The following ZNF766 variants were observed in gnomAD, a reference collection of about 807,000 sequenced individuals.
ZNF766 encodes the protein zinc finger protein 766.
A neutral mutation model predicts 13.2 loss-of-function variants in ZNF766; 13 were observed. That is an observed-to-expected ratio of 0.98 (90% confidence interval 0.64 to 1.56). ZNF766 has a LOEUF of 1.56. Among genes scored for constraint, ZNF766 ranks in the 40% most tolerant of loss-of-function variants. The pLI, the probability that ZNF766 is intolerant of heterozygous loss-of-function variation, is 0.00. For missense variants in ZNF766, 521 were observed against 552.2 expected (o/e 0.94, Z 0.57); for synonymous variants, 178 against 187.6 (o/e 0.95, Z 0.42).
Position 52,282,319 on chromosome 19 carries a change from G to T in ZNF766, c.145+82G>T, listed in dbSNP as rs1309639587. On this transcript the variant is annotated intron_variant, in intron 2 of 3. Transcript: ENST00000439461. ...CCTTGTGTGCCTCTTGGGAGCCCCT[G>T]CATTGCTTGACTGAGATTGAAACCC... 3.4e-6 allele frequency: 5 copies of T among 1,467,022 alleles called. No individual in the cohort carries two copies. The African/African-American group carries it at 7.2e-5, about 21-fold the overall frequency. The allele number at this position is 1,467,022 out of a possible 1,614,324, so 90.9% of individuals were successfully genotyped here.
chr19:52,280,789 C>T (rs1324325874), intron 1 of ZNF766, among the ~76,000 whole-genome samples: 2 of 151,652 alleles, frequency 1.3e-5, no homozygotes, highest in Admixed American at 6.6e-5. Flanking sequence ...ACCATGTTGG[C>T]CAGGATGGTC....
At chr19:52,275,359 T>A (rs1248641325) in intron 1 of ZNF766, among the ~76,000 whole-genome samples, 1 of 152,288 alleles carries the variant, frequency 6.6e-6, no homozygotes, top group Non-Finnish European at 1.5e-5. Context: ...ACAACATGTT[T>A]GTGTTTTAAG....
At chr19:52,278,636 G>C (rs1981334111) in intron 1 of ZNF766, among the ~76,000 whole-genome samples, 2 of 151,836 alleles carry the variant, frequency 1.3e-5, no homozygotes, top group African/African-American at 2.4e-5. Flanking sequence ...AACTTCTGAT[G>C]TCAGGTGATC....
chr19:52,287,421 G>A (rs371005714), intron 3 of ZNF766, among the ~76,000 whole-genome samples: 9 of 152,220 alleles, frequency 5.9e-5, no homozygotes, highest in Non-Finnish European at 1.0e-4. Flanking sequence ...GATTACAGGC[G>A]TGAGCCACTA....
At chr19:52,276,926 T>TGG (rs1981230970) in intron 1 of ZNF766, among the ~76,000 whole-genome samples, 1 of 152,120 alleles carries the variant, frequency 6.6e-6, no homozygotes, top group Non-Finnish European at 1.5e-5. Flanking sequence ...TCCCCACTGC[T>TGG]GCAGTGTGTG....
intron 1 of ZNF766, among the ~76,000 whole-genome samples, chr19:52,270,472 G>A (rs540103384): frequency 6.0e-4 from 91 of 152,198 alleles, no homozygotes; most frequent in South Asian, 1.9e-3. Context: ...TAGGGAGAGG[G>A]GCAGCAAAGC....
Position 52,290,660 on chromosome 19 carries a change from A to G in ZNF766, c.869A>G (p.Gln290Arg), listed in dbSNP as rs753121575. 6.2e-7 allele frequency: 1 copy of G among 1,613,710 alleles called. No individual in the cohort carries two copies. The highest frequency in any genetic ancestry group is 8.5e-7 in the Non-Finnish European group (1 of 1,179,728). The change falls in exon 4 of 4, where the codon CAG (glutamine) becomes CGG (arginine). Residue 290 changes from glutamine (Q) to arginine (R), a missense_variant. Coordinates refer to ENST00000439461, the MANE Select transcript of ZNF766 (RefSeq NM_001010851.3). ...CGAATTACATACCTTGTACGACATC[A>G]GAAAATTCATACTAGAGAGAAACCT... ...FSRITYLVRHQKIHTREKPHK... is the reference protein window; with the variant it reads ...FSRITYLVRHRKIHTREKPHK...
At position 52,295,987 on chromosome 19, in the gene ZNF766, T is replaced by A. The variant is rs1372559842; in HGVS notation, c.*4789T>A. The A allele has an allele frequency of 1.3e-5, 2 of 152,212 alleles. No individual in the cohort carries two copies. Among genetic ancestry groups the A allele is most frequent in the Non-Finnish European group, 2.9e-5 (2 of 68,046 alleles). 9.4% of individuals were successfully genotyped at this position (152,212 alleles called of 1,614,324 possible). ...ATTAACCCTGTGTATCAATTTGGGGTAATTTCACATTTTTTTCTATGTTGA... is the reference window on the plus strand; with the variant it reads ...ATTAACCCTGTGTATCAATTTGGGGAAATTTCACATTTTTTTCTATGTTGA... On this transcript the variant is annotated 3_prime_UTR_variant, in exon 4 of 4. Coordinates refer to ENST00000439461, the MANE Select transcript of ZNF766 (RefSeq NM_001010851.3).
intron 3 of ZNF766, among the ~76,000 whole-genome samples, chr19:52,287,558 T>G (rs1259013827): frequency 1.3e-5 from 2 of 152,242 alleles, no homozygotes; most frequent in East Asian, 3.8e-4. Flanking sequence ...AGGATTGGTG[T>G]TAAATCTTTT....
At position 52,281,489 on chromosome 19, in the gene ZNF766, A is replaced by T. The variant is rs550432873; in HGVS notation, c.19-622A>T. 1.1e-5 allele frequency: 3 copies of T among 281,254 alleles called. No individual in the cohort carries two copies. The East Asian group carries it at 4.2e-4, about 39-fold the overall frequency. 17.4% of individuals were successfully genotyped at this position (281,254 alleles called of 1,614,324 possible). On this transcript the variant is annotated intron_variant, in intron 1 of 3. Coordinates refer to ENST00000439461, the MANE Select transcript of ZNF766 (RefSeq NM_001010851.3). ...AGCCGAGATTGCGCCACTGCACTCC[A>T]GCCTGGGTGACAGACTGAGACTCTG...
rs1384170541 is a variant in ZNF766, at chr19:52,291,581, A to G, written c.*383A>G. The G allele has an allele frequency of 1.1e-5, 2 of 175,632 alleles. No homozygotes were observed. Among genetic ancestry groups the G allele is most frequent in the East Asian group, 3.1e-4 (2 of 6,352 alleles). 10.9% of individuals were successfully genotyped at this position (175,632 alleles called of 1,614,324 possible). A position where few individuals can be genotyped will look rare whatever the true frequency, so the allele number is the denominator to read the frequency against. On this transcript the variant is annotated 3_prime_UTR_variant, in exon 4 of 4. Transcript: ENST00000439461. ...AGACCAGCCTGGCCAATATGGTGAA[A>G]CACCATATCTACTATAAATACAAAA...
At position 52,291,333 on chromosome 19, in the gene ZNF766, C is replaced by T. The variant is rs1342077825; in HGVS notation, c.*135C>T. ...CCAAATCACTAGACATCGAAACATT[C>T]ATCTTTGGTGAAACCACACAAATGG... On this transcript the variant is annotated 3_prime_UTR_variant, in exon 4 of 4. Transcript: ENST00000439461. 3 of 892,590 alleles carry T rather than the reference C, an allele frequency of 3.4e-6. No homozygotes were observed. Among genetic ancestry groups the T allele is most frequent in the Non-Finnish European group, 5.0e-6 (3 of 599,538 alleles). 55.3% of individuals were successfully genotyped at this position (892,590 alleles called of 1,614,324 possible).
At chr19:52,280,621 C>T (rs62110403) in intron 1 of ZNF766, among the ~76,000 whole-genome samples, 17,154 of 151,698 alleles carry the variant, frequency 0.11, 1,040 homozygotes, top group Middle Eastern at 0.2. Context: ...CTTGCTCTGT[C>T]GCCCAGGCTG....
chr19:52,280,490 A>G (rs549611244), intron 1 of ZNF766, among the ~76,000 whole-genome samples: 1 of 152,356 alleles, frequency 6.6e-6, no homozygotes, highest in South Asian at 2.1e-4. Context: ...GTAAGTGTAT[A>G]CATGTGATGT....
Position 52,291,416 on chromosome 19 carries a change from A to G in ZNF766, c.*218A>G, listed in dbSNP as rs1468525667. On this transcript the variant is annotated 3_prime_UTR_variant, in exon 4 of 4. Transcript: ENST00000439461. ...TGTTGAACCTAATGATATGATGTGTATAAAGGGTGCAAGGACACGTGGAAA... is the reference window on the plus strand; with the variant it reads ...TGTTGAACCTAATGATATGATGTGTGTAAAGGGTGCAAGGACACGTGGAAA... The G allele has an allele frequency of 5.9e-6, 3 of 511,360 alleles. No homozygotes were observed. Among genetic ancestry groups the G allele is most frequent in the Non-Finnish European group, 1.0e-5 (3 of 294,120 alleles). The allele number at this position is 511,360 out of a possible 1,614,324, so 31.7% of individuals were successfully genotyped here.
chr19:52,285,959 C>T (rs1029446133), intron 3 of ZNF766, among the ~76,000 whole-genome samples: 1 of 152,074 alleles, frequency 6.6e-6, no homozygotes, highest in Admixed American at 6.6e-5. Flanking sequence ...TATCATAACA[C>T]CACACAGAGG....
chr19:52,289,961 A>G, intron 3 of ZNF766, 105 bp from the exon 4 acceptor site: 3 of 1,174,304 alleles, frequency 2.6e-6, no homozygotes, highest in South Asian at 1.6e-5. Flanking sequence ...AGATCGTGCC[A>G]CTGCACTCCA....
chr19:52,293,228 C>T lies in ZNF766; in HGVS notation c.*2030C>T, dbSNP rs1210348305. ...TTGCTCTGTCACTCAGGCTGAAGTG[C>T]AATGGCACGATCTTGGCTCACTGCA... On this transcript the variant is annotated 3_prime_UTR_variant, in exon 4 of 4. Transcript: ENST00000439461. 6.9e-6 allele frequency: 1 copy of T among 144,070 alleles called. No individual in the cohort carries two copies. 8.9% of individuals were successfully genotyped at this position (144,070 alleles called of 1,614,324 possible).
rs1982270509 is a variant in ZNF766 at position 52,294,470 on chromosome 19, G to A, written c.*3272G>A. On this transcript the variant is annotated 3_prime_UTR_variant, in exon 4 of 4. Coordinates refer to ENST00000439461, the MANE Select transcript of ZNF766 (RefSeq NM_001010851.3). ...ACTCCATAATGAGGCTTTCTGGGGA[G>A]AGCAGGGTAGACTTCCCCGGTTGGT... 1 of 152,202 alleles carries A rather than the reference G, an allele frequency of 6.6e-6. No individual in the cohort carries two copies. The highest frequency in any genetic ancestry group is 1.9e-4 in the East Asian group (1 of 5,192). The allele number at this position is 152,202 out of a possible 1,614,324, so 9.4% of individuals were successfully genotyped here.
Sources: gnomAD v4.1 joint callset for allele counts (sites outside exome capture counted in the v4.1 genomes callset) on GRCh38, gnomAD v4.1.1 for gene constraint, MANE v1.5 for transcripts, NCBI Gene and HGNC (gene_info 2026-07-23, HGNC 2026-07-21) for gene names.